CDKAL1: variants seen among roughly 807,000 people sequenced by gnomAD.
CDKAL1 encodes the protein threonylcarbamoyladenosine tRNA methylthiotransferase.
Under a neutral mutation model 68.2 loss-of-function variants are expected in CDKAL1, and 32 were observed. The ratio of observed to expected loss-of-function variants is 0.47; its 90% confidence interval spans 0.35 to 0.63. CDKAL1 has a LOEUF of 0.63. Ranked by LOEUF, CDKAL1 falls within the 30% of genes least tolerant of loss-of-function variation. CDKAL1 has a pLI of 0.00. For missense variants in CDKAL1, 606 were observed against 696.7 expected (o/e 0.87, Z 1.47); for synonymous variants, 234 against 244.3 (o/e 0.96, Z 0.39).
intron 4 of CDKAL1, among the ~76,000 whole-genome samples, chr6:20,569,296 G>A (rs1007874281): frequency 2.0e-5 from 3 of 152,298 alleles, no homozygotes; most frequent in African/African-American, 7.2e-5. Flanking sequence ...GGCACTGTAA[G>A]TATAAATTTC....
intron 9 of CDKAL1, among the ~76,000 whole-genome samples, chr6:20,855,128 A>G (rs1301897742): frequency 6.6e-6 from 1 of 152,094 alleles, no homozygotes; most frequent in Non-Finnish European, 1.5e-5. Context: ...AAAGTTATAT[A>G]TTTTGGCATT....
intron 15 of CDKAL1, among the ~76,000 whole-genome samples, chr6:21,204,537 C>G (rs960585433): frequency 6.6e-6 from 1 of 152,148 alleles, no homozygotes; most frequent in Non-Finnish European, 1.5e-5. Context: ...TGCTAGGACC[C>G]TAAGTCAACA....
chr6:20,971,332 T>C (rs977635626), intron 10 of CDKAL1, among the ~76,000 whole-genome samples: 2 of 152,236 alleles, frequency 1.3e-5, no homozygotes, highest in East Asian at 1.9e-4. Flanking sequence ...CACTATGCCG[T>C]GTCACACCAT....
chr6:20,588,021 T>C (rs988870955), intron 4 of CDKAL1, among the ~76,000 whole-genome samples: 2 of 150,732 alleles, frequency 1.3e-5, no homozygotes, highest in African/African-American at 2.4e-5. Context: ...GCTTGAAGCC[T>C]GGGAGGTGGA....
chr6:20,915,566 A>G (rs1280767717), intron 9 of CDKAL1, among the ~76,000 whole-genome samples: 1 of 152,230 alleles, frequency 6.6e-6, no homozygotes, highest in African/African-American at 2.4e-5. Context: ...TGTTAATAAC[A>G]TACAAAAAAT....
intron 12 of CDKAL1, among the ~76,000 whole-genome samples, chr6:21,081,165 A>G (rs1316184082): frequency 6.6e-6 from 1 of 152,188 alleles, no homozygotes; most frequent in Non-Finnish European, 1.5e-5. Context: ...TTTGGCATTC[A>G]TTTTTATCCT....
In CDKAL1 at chr6:21,012,405, A is replaced by G. The variant is rs183701754; in HGVS notation, c.1055+12033A>G. Among the ~76,000 whole-genome samples, 609 of 152,250 alleles carry G rather than the reference A, an allele frequency of 4.0e-3. 2 individuals are homozygous for G. The highest frequency in any genetic ancestry group is 6.8e-3 in the Non-Finnish European group (462 of 68,018). ...CTCTAAGAGAGAGAGCCCCAGTCCC[A>G]TCTAGTTACCCTGTCCTCTTATAAG... is the stretch of plus-strand genomic sequence containing the variant. On this transcript the variant is annotated intron_variant, in intron 11 of 15. Coordinates refer to ENST00000274695, the MANE Select transcript of CDKAL1 (RefSeq NM_017774.3).
chr6:20,992,233 T>TA (rs1197474739), intron 10 of CDKAL1, among the ~76,000 whole-genome samples: 14 of 150,652 alleles, frequency 9.3e-5, no homozygotes, highest in African/African-American at 3.5e-4. Context: ...TATATGTATA[T>TA]AAGTATTTTG....
intron 4 of CDKAL1, among the ~76,000 whole-genome samples, chr6:20,609,203 A>G (rs543120190): frequency 2.6e-5 from 4 of 151,262 alleles, no homozygotes; most frequent in South Asian, 4.2e-4. Context: ...GGACTCTTGG[A>G]GCACCTTTTT....
At chr6:20,876,916 A>G (rs1760548153) in intron 9 of CDKAL1, among the ~76,000 whole-genome samples, 1 of 152,176 alleles carries the variant, frequency 6.6e-6, no homozygotes, top group African/African-American at 2.4e-5. Context: ...TTTTATTACA[A>G]ATTAGTCTTC....
intron 4 of CDKAL1, among the ~76,000 whole-genome samples, chr6:20,575,143 C>T (rs1382954918): frequency 1.3e-5 from 2 of 151,930 alleles, no homozygotes; most frequent in Non-Finnish European, 2.9e-5. Flanking sequence ...AACTCAAAGA[C>T]AGAACTTAAT....
At chr6:20,707,274 T>G (rs764808500) in intron 5 of CDKAL1, among the ~76,000 whole-genome samples, 1 of 152,158 alleles carries the variant, frequency 6.6e-6, no homozygotes, top group Non-Finnish European at 1.5e-5. Flanking sequence ...ACGTGGCTGT[T>G]GAGATCTGCC....
chr6:20,732,564 G>A (rs2150315401), intron 5 of CDKAL1, among the ~76,000 whole-genome samples: 1 of 151,996 alleles, frequency 6.6e-6, no homozygotes, highest in South Asian at 2.1e-4. Flanking sequence ...TAGGATTACA[G>A]GCGTGAGCCA....
intron 8 of CDKAL1, among the ~76,000 whole-genome samples, chr6:20,781,975 G>C (rs1354202631): frequency 2.4e-4 from 36 of 152,180 alleles, no homozygotes; most frequent in Non-Finnish European, 1.5e-5. Context: ...GATTTAAGCT[G>C]TTCTGCCCCT....
At chr6:20,803,251 C>T (rs1004843379) in intron 8 of CDKAL1, among the ~76,000 whole-genome samples, 1 of 152,188 alleles carries the variant, frequency 6.6e-6, no homozygotes, top group Non-Finnish European at 1.5e-5. Context: ...ATGGCTTCTT[C>T]CAGCCTTTTC....
intron 13 of CDKAL1, among the ~76,000 whole-genome samples, chr6:21,187,281 A>G (rs1170242589): frequency 1.3e-5 from 2 of 152,218 alleles, no homozygotes; most frequent in African/African-American, 2.4e-5. Context: ...ATTATGAGGT[A>G]TGTGACCTTG....
In CDKAL1 at chr6:20,846,115, A is replaced by G; in HGVS notation, c.679A>G (p.Arg227Gly). The change falls in exon 9 of 16, where the codon AGA becomes GGA. Residue 227 changes from arginine to glycine, a missense_variant. Arg to Gly is a moderately radical substitution (Grantham distance 125, BLOSUM62 -2). Coordinates refer to ENST00000274695, the MANE Select transcript of CDKAL1 (RefSeq NM_017774.3). ...TACCTACTGCAAAACTAAACACGCCAGAGGAAATTTGGCCAGTTATCCAAT... is the reference window on the plus strand; with the variant it reads ...TACCTACTGCAAAACTAAACACGCCGGAGGAAATTTGGCCAGTTATCCAAT... ...ACTYCKTKHA[R>G]GNLASYPIDE... is the part of the protein sequence containing the mutation. 2 of 1,613,458 alleles carry G rather than the reference A, an allele frequency of 1.2e-6. No homozygotes were observed. The highest frequency in any genetic ancestry group is 1.7e-6 in the Non-Finnish European group (2 of 1,179,570).
chr6:21,197,574 C>A (rs1778523867), intron 13 of CDKAL1, among the ~76,000 whole-genome samples: 1 of 152,190 alleles, frequency 6.6e-6, no homozygotes, highest in South Asian at 2.1e-4. Flanking sequence ...TGTTACATCC[C>A]TCATAACTCA....
At chr6:20,781,507 G>A (rs1033856894) in intron 8 of CDKAL1, among the ~76,000 whole-genome samples, 1 of 151,778 alleles carries the variant, frequency 6.6e-6, no homozygotes, top group African/African-American at 2.4e-5. Flanking sequence ...TAATAAACAT[G>A]GATTTCATTT....
Sources: allele counts gnomAD v4.1 joint callset (sites outside exome capture counted in the v4.1 genomes callset), GRCh38; gene constraint gnomAD v4.1.1; transcripts MANE v1.5; gene names NCBI Gene and HGNC (gene_info 2026-07-23, HGNC 2026-07-21).